Variants in NCAM2 observed in about 807,000 individuals in gnomAD.
NCAM2 encodes neural cell adhesion molecule 2.
In NCAM2, 30 loss-of-function variants were observed where a neutral mutation model predicts 98.1. The observed-to-expected ratio is 0.31, with a 90% CI of 0.23 to 0.41. The LOEUF (loss-of-function observed/expected upper bound fraction) is 0.41, where lower values mean the gene tolerates loss of function less well. Ranked by LOEUF, NCAM2 falls within the 10% of genes least tolerant of loss-of-function variation. The pLI is 1.00. For synonymous variants in NCAM2, 368 were observed against 342.4 expected (o/e 1.07, Z -0.83); for missense variants, 867 against 1,005.8 (o/e 0.86, Z 1.87).
At chr21:21,279,112 G>A (rs939192110) in intron 1 of NCAM2, among the ~76,000 whole-genome samples, 4 of 152,050 alleles carry the variant, frequency 2.6e-5, no homozygotes, top group South Asian at 2.1e-4. Flanking sequence ...ACTTAGCTGT[G>A]AGCCCTACAC....
At chr21:21,127,191 T>C (rs2066844205) in intron 1 of NCAM2, among the ~76,000 whole-genome samples, 1 of 151,932 alleles carries the variant, frequency 6.6e-6, no homozygotes, top group Non-Finnish European at 1.5e-5. Flanking sequence ...AACACTGTAA[T>C]ATATATTTAG....
At chr21:21,454,491 C>A (rs1981827187) in intron 12 of NCAM2, among the ~76,000 whole-genome samples, 1 of 151,942 alleles carries the variant, frequency 6.6e-6, no homozygotes, top group Non-Finnish European at 1.5e-5. Context: ...TAAATACGAA[C>A]CTGTGTCATG....
chr21:21,450,089 C>T (rs1602376320), intron 12 of NCAM2, among the ~76,000 whole-genome samples: 2 of 151,916 alleles, frequency 1.3e-5, no homozygotes, highest in South Asian at 2.1e-4. Context: ...TAAAGATGCA[C>T]CTATTCCAGG....
rs569807036 is a variant in NCAM2, at chr21:21,541,718, T to C, written c.*3761T>C. The stretch of plus-strand genomic sequence containing the variant: ...AGTAGAAATAATATTTTCCATTAGT[T>C]AATTTAGGAAATATTGGAATAGCAT... On this transcript the variant is annotated 3_prime_UTR_variant, in exon 18 of 18. Transcript: ENST00000400546. 5.9e-5 allele frequency: 9 copies of C among 151,912 alleles called. No homozygotes were observed. Among genetic ancestry groups the C allele is most frequent in the African/African-American group, 2.2e-4 (9 of 41,536 alleles). 9.4% of individuals were successfully genotyped at this position (151,912 alleles called of 1,614,324 possible).
chr21:21,254,924 GTA>G (rs376662706), intron 1 of NCAM2, among the ~76,000 whole-genome samples: 1,481 of 135,668 alleles, frequency 0.011, 23 homozygotes, highest in African/African-American at 0.038. Flanking sequence ...GTGTGTGTGT[GTA>G]TGTGTACCCA....
At chr21:21,273,598 A>G (rs2072611304) in intron 1 of NCAM2, among the ~76,000 whole-genome samples, 1 of 152,120 alleles carries the variant, frequency 6.6e-6, no homozygotes, top group African/African-American at 2.4e-5. Flanking sequence ...GTTTATTTTA[A>G]GAACACTAAA....
At chr21:21,136,749 T>C (rs2067062963) in intron 1 of NCAM2, among the ~76,000 whole-genome samples, 1 of 151,934 alleles carries the variant, frequency 6.6e-6, no homozygotes, top group Non-Finnish European at 1.5e-5. Context: ...ATTACAAGCA[T>C]GAGCCCGGCC....
At chr21:21,095,994 A>G (rs2066114867) in intron 1 of NCAM2, among the ~76,000 whole-genome samples, 2 of 151,820 alleles carry the variant, frequency 1.3e-5, no homozygotes, top group East Asian at 1.9e-4. Flanking sequence ...ATCAAAAGTA[A>G]TAAGAACAGA....
intron 1 of NCAM2, among the ~76,000 whole-genome samples, chr21:21,240,254 G>A (rs931054348): frequency 6.6e-6 from 1 of 151,804 alleles, no homozygotes; most frequent in Admixed American, 6.6e-5. Flanking sequence ...ATTGGTGGTG[G>A]CATACATTCT....
chr21:21,015,950 C>T (rs994055221), intron 1 of NCAM2, among the ~76,000 whole-genome samples: 9 of 152,026 alleles, frequency 5.9e-5, no homozygotes, highest in South Asian at 4.1e-4. Flanking sequence ...TCAGGTAATC[C>T]GCCCACTTCG....
Position 21,138,112 on chromosome 21 carries a change from C to CA in NCAM2, c.55+139499dup, listed in dbSNP as rs2067097015. On this transcript the variant is annotated intron_variant, in intron 1 of 17. Coordinates refer to ENST00000400546, the MANE Select transcript of NCAM2 (RefSeq NM_004540.5). ...TTTCCAAGCTCTGATCAGGGCATAT[C>CA]AAAAAGCAATTTCTGGCTTGTGCTA... Among the ~76,000 whole-genome samples, 6 of 152,258 alleles carry CA rather than the reference C, an allele frequency of 3.9e-5. No homozygotes were observed. The South Asian group carries it at 1.2e-3, about 32-fold the overall frequency.
At chr21:21,313,410 T>C (rs1170156139) in intron 5 of NCAM2, among the ~76,000 whole-genome samples, 1 of 151,954 alleles carries the variant, frequency 6.6e-6, no homozygotes, top group Non-Finnish European at 1.5e-5. Flanking sequence ...GATTGTCATA[T>C]TTTCCTGCTT....
chr21:21,193,755 A>C (rs1340485782), intron 1 of NCAM2, among the ~76,000 whole-genome samples: 10 of 151,996 alleles, frequency 6.6e-5, no homozygotes, highest in Non-Finnish European at 2.9e-5. Flanking sequence ...CGGCCTCCCA[A>C]AGTGCTGGGA....
rs559269455 is a variant in NCAM2, at chr21:21,542,605, C to T, written c.*4648C>T. 4.0e-5 allele frequency: 6 copies of T among 151,844 alleles called. No individual in the cohort carries two copies. In the East Asian group the frequency reaches 9.7e-4, roughly 24 times the overall value. 9.4% of individuals were successfully genotyped at this position (151,844 alleles called of 1,614,324 possible). ...CATGGAAGACAGTAAGCAAAACCATCACTGTTGGAGAATTTCAAATCACAA... is the reference window on the plus strand; with the variant it reads ...CATGGAAGACAGTAAGCAAAACCATTACTGTTGGAGAATTTCAAATCACAA... On this transcript the variant is annotated 3_prime_UTR_variant, in exon 18 of 18. Transcript: ENST00000400546.
At chr21:21,385,444 C>A (rs766656155) in intron 9 of NCAM2, among the ~76,000 whole-genome samples, 2 of 151,040 alleles carry the variant, frequency 1.3e-5, no homozygotes, top group Non-Finnish European at 3.0e-5. Flanking sequence ...AGTCTTATAC[C>A]ACCTGAACCA....
intron 8 of NCAM2, among the ~76,000 whole-genome samples, chr21:21,350,892 C>A (rs2075315512): frequency 7.2e-6 from 1 of 139,272 alleles, no homozygotes; most frequent in Non-Finnish European, 1.5e-5. Context: ...TGGAGACCAT[C>A]ATGGCTAACA....
At chr21:21,229,880 A>T (rs534623970) in intron 1 of NCAM2, among the ~76,000 whole-genome samples, 10 of 151,480 alleles carry the variant, frequency 6.6e-5, no homozygotes, top group African/African-American at 2.4e-4. Context: ...AGCTTCTCTG[A>T]ACTGTAAATT....
chr21:21,082,749 C>T (rs1227362383), intron 1 of NCAM2, among the ~76,000 whole-genome samples: 2 of 152,086 alleles, frequency 1.3e-5, no homozygotes, highest in Non-Finnish European at 2.9e-5. Flanking sequence ...ATTAGAACTG[C>T]CGTTTTCTCC....
At chr21:21,507,597 T>C (rs1274515692) in intron 15 of NCAM2, among the ~76,000 whole-genome samples, 1 of 151,866 alleles carries the variant, frequency 6.6e-6, no homozygotes, top group East Asian at 1.9e-4. Context: ...ATCGAGACCA[T>C]CCTGGCTAAC....
Sources: gnomAD v4.1 joint callset for allele counts (sites outside exome capture counted in the v4.1 genomes callset) on GRCh38, gnomAD v4.1.1 for gene constraint, MANE v1.5 for transcripts, NCBI Gene and HGNC (gene_info 2026-07-23, HGNC 2026-07-21) for gene names.